Variants in ACTR3C observed in about 807,000 individuals in gnomAD.
ACTR3C encodes the protein actin-related protein 3C.
Under a neutral mutation model 26.3 loss-of-function variants are expected in ACTR3C, and 18 were observed. That is an observed-to-expected ratio of 0.68 (90% CI 0.47 to 1.01). ACTR3C has a LOEUF of 1.01. Among genes scored for constraint, ACTR3C ranks in the 50% least tolerant of loss-of-function variants. The pLI is 0.00. For missense variants in ACTR3C, 184 were observed against 250.7 expected (o/e 0.73, Z 1.80); for synonymous variants, 55 against 94.5 (o/e 0.58, Z 2.42).
At chr7:149,990,019 G>A in the ACTR3C span, among the ~76,000 whole-genome samples, 6 of 152,176 alleles carry the variant, frequency 3.9e-5, no homozygotes, top group Admixed American at 6.5e-5. Flanking sequence ...GCGTCAGTGC[G>A]TTGCTCCTTC....
the ACTR3C span, among the ~76,000 whole-genome samples, chr7:150,093,797 T>C: frequency 6.6e-6 from 1 of 150,962 alleles, no homozygotes; most frequent in Non-Finnish European, 1.5e-5. Flanking sequence ...CACTCTTACC[T>C]GAGCCAAATA....
intron 6 of ACTR3C, among the ~76,000 whole-genome samples, chr7:150,264,405 G>A (rs949555340): frequency 3.3e-5 from 5 of 152,198 alleles, no homozygotes; most frequent in African/African-American, 1.2e-4. Context: ...ATTTGGGATG[G>A]CCTGTGCCAT....
At position 150,272,091 on chromosome 7, in the gene ACTR3C, G is replaced by T. The variant is rs1026686361; in HGVS notation, c.564+12662C>A. Among the ~76,000 whole-genome samples, 20 of 146,504 alleles carry T rather than the reference G, an allele frequency of 1.4e-4. 1 individual carries two copies. The highest frequency in any genetic ancestry group is 5.2e-4 in the African/African-American group (19 of 36,772). On this transcript the variant is annotated intron_variant, in intron 6 of 7. Transcript: ENST00000683684. ...TTAGAGAGCAAACCACAACAAAGTC[G>T]GTTTGAAGCCTCTCAGCCATGCCTA... is the stretch of plus-strand genomic sequence containing the variant.
At chr7:150,075,786 G>A in the ACTR3C span, among the ~76,000 whole-genome samples, 1 of 152,176 alleles carries the variant, frequency 6.6e-6, no homozygotes, top group African/African-American at 2.4e-5. Context: ...AATGAAAGGT[G>A]AAGACCTTGA....
the ACTR3C span, among the ~76,000 whole-genome samples, chr7:150,003,610 G>GGT: frequency 7.9e-3 from 1,192 of 150,862 alleles, no homozygotes; most frequent in African/African-American, 0.027. Flanking sequence ...TATGTTATCT[G>GGT]GTGTGTGTGT....
At chr7:149,902,971 G>T in the ACTR3C span, among the ~76,000 whole-genome samples, 1 of 32,938 alleles carries the variant, frequency 3.0e-5, no homozygotes, top group African/African-American at 4.9e-5. Flanking sequence ...GAGTACAAAT[G>T]TCCAAAACCA....
chr7:149,919,344 G>A, the ACTR3C span, among the ~76,000 whole-genome samples: 2 of 151,038 alleles, frequency 1.3e-5, no homozygotes, highest in Non-Finnish European at 2.9e-5. Context: ...GGGTTCAAGC[G>A]ATTCTCCTGC....
chr7:150,231,756 C>T, the ACTR3C span, among the ~76,000 whole-genome samples: 1 of 152,116 alleles, frequency 6.6e-6, no homozygotes, highest in East Asian at 1.9e-4. Flanking sequence ...TATTGTTCTA[C>T]ATTTGTTCCT....
At chr7:150,301,505 A>C (rs1369536324) in intron 1 of ACTR3C, among the ~76,000 whole-genome samples, 1 of 152,254 alleles carries the variant, frequency 6.6e-6, no homozygotes, top group Non-Finnish European at 1.5e-5. Flanking sequence ...AATGGGTTTT[A>C]CCAACATACA....
At chr7:150,083,113 GT>G in the ACTR3C span, among the ~76,000 whole-genome samples, 1 of 149,962 alleles carries the variant, frequency 6.7e-6, no homozygotes, top group African/African-American at 2.4e-5. Flanking sequence ...GCCCAACTAA[GT>G]TTTTGAATTT....
chr7:150,017,066 C>A, the ACTR3C span, among the ~76,000 whole-genome samples: 1 of 151,978 alleles, frequency 6.6e-6, no homozygotes, highest in Non-Finnish European at 1.5e-5. Context: ...GAGTCAACAG[C>A]CAATCTTCTG....
chr7:149,900,592 G>A, the ACTR3C span, among the ~76,000 whole-genome samples: 1 of 152,042 alleles, frequency 6.6e-6, no homozygotes, highest in Non-Finnish European at 1.5e-5. Flanking sequence ...AAAAAAGAAA[G>A]AACAATGGAA....
At chr7:150,057,855 C>T in the ACTR3C span, among the ~76,000 whole-genome samples, 1 of 152,224 alleles carries the variant, frequency 6.6e-6, no homozygotes, top group South Asian at 2.1e-4. Context: ...TCAATTTTCA[C>T]AGCTATAGGA....
At chr7:150,025,591 C>T in the ACTR3C span, among the ~76,000 whole-genome samples, 1 of 151,882 alleles carries the variant, frequency 6.6e-6, no homozygotes, top group African/African-American at 2.4e-5. Context: ...TATGTGAAGG[C>T]TTAGTATAAA....
At chr7:149,906,207 A>G in the ACTR3C span, among the ~76,000 whole-genome samples, 1 of 152,180 alleles carries the variant, frequency 6.6e-6, no homozygotes, top group Non-Finnish European at 1.5e-5. Context: ...ATCTTTGTAC[A>G]TGTAATATAC....
At chr7:150,009,146 G>T in the ACTR3C span, among the ~76,000 whole-genome samples, 1 of 152,250 alleles carries the variant, frequency 6.6e-6, no homozygotes, top group Non-Finnish European at 1.5e-5. Flanking sequence ...AGATAGTCAA[G>T]GACTCTGCTA....
chr7:150,323,418 C>T (rs1563220529), intron 1 of ACTR3C, 51 bp downstream of exon 1: 1 of 328,898 alleles, frequency 3.0e-6, no homozygotes, highest in South Asian at 2.2e-5. Flanking sequence ...GGGCACGCGG[C>T]CCAGGGGTCA....
chr7:150,318,868 A>G (rs1797202484), intron 1 of ACTR3C, among the ~76,000 whole-genome samples: 11 of 152,190 alleles, frequency 7.2e-5, no homozygotes, highest in Admixed American at 7.2e-4. Flanking sequence ...TACATAAACC[A>G]TGTGATTCTC....
intron 6 of ACTR3C, among the ~76,000 whole-genome samples, chr7:150,284,549 A>G (rs1266682804): frequency 6.6e-6 from 1 of 152,112 alleles, no homozygotes; most frequent in Non-Finnish European, 1.5e-5. Flanking sequence ...CCGTCTCCAA[A>G]ATAAAATAAA....
Sources: gnomAD v4.1 joint callset for allele counts (sites outside exome capture counted in the v4.1 genomes callset) on GRCh38, gnomAD v4.1.1 for gene constraint, MANE v1.5 for transcripts, NCBI Gene and HGNC (gene_info 2026-07-23, HGNC 2026-07-21) for gene names.